The following GIGYF2 variants were observed in gnomAD, a reference collection of about 807,000 sequenced individuals.
The protein encoded by GIGYF2 is GRB10 interacting GYF protein 2, also known as GRB10-interacting GYF protein 2.
GIGYF2 carries 25 observed loss-of-function variants against 208.1 expected under a neutral mutation model. The ratio of observed to expected loss-of-function variants is 0.12; its 90% CI spans 0.09 to 0.17. The LOEUF is 0.17. Among genes scored for constraint, GIGYF2 ranks in the 10% least tolerant of loss-of-function variants. The pLI is 1.00. For synonymous variants in GIGYF2, 534 were observed against 543.8 expected, an observed-to-expected ratio of 0.98 and a Z score of 0.25; for missense variants, 1,302 against 1,579.4, an observed-to-expected ratio of 0.82 and a Z score of 2.98.
At chr2:232,779,624 C>T (rs1022034060) in intron 8 of GIGYF2, among the ~76,000 whole-genome samples, 1 of 152,182 alleles carries the variant, frequency 6.6e-6, no homozygotes, top group Non-Finnish European at 1.5e-5. Flanking sequence ...TTCAGGCAGC[C>T]TCTGGGTATG....
chr2:232,721,262 A>G (rs898430926), intron 2 of GIGYF2, among the ~76,000 whole-genome samples: 10 of 152,330 alleles, frequency 6.6e-5, no homozygotes, highest in African/African-American at 2.2e-4. Flanking sequence ...ATGAAAGTCC[A>G]TCTGATCTTC....
At chr2:232,798,963 G>A (rs1361616222) in intron 14 of GIGYF2, among the ~76,000 whole-genome samples, 1 of 149,766 alleles carries the variant, frequency 6.7e-6, no homozygotes, top group South Asian at 2.1e-4. Context: ...AATTACCATT[G>A]CCAGGGACTG....
chr2:232,784,375 C>T (rs868476619), intron 8 of GIGYF2, among the ~76,000 whole-genome samples: 14 of 134,362 alleles, frequency 1.0e-4, no homozygotes, highest in African/African-American at 3.8e-4. Flanking sequence ...GCTACTTACA[C>T]GAAATAATTT....
intron 17 of GIGYF2, 59 bp from the exon 18 acceptor site, chr2:232,812,331 CT>C (rs76864273): frequency 0.24 from 149,921 of 619,836 alleles, 8 homozygotes; most frequent in South Asian, 0.31. Context: ...TCCTCTTCAT[CT>C]TTTTTTTTTT....
At chr2:232,795,619 G>A (rs1012807130) in intron 13 of GIGYF2, among the ~76,000 whole-genome samples, 3 of 152,166 alleles carry the variant, frequency 2.0e-5, no homozygotes, top group African/African-American at 7.2e-5. Flanking sequence ...CTCTTAGCCA[G>A]GCAAGGAGGT....
rs760666722 is a variant in GIGYF2 at position 232,747,748 on chromosome 2, A to G, written c.171+4A>G. 3.7e-6 allele frequency: 6 copies of G among 1,613,176 alleles called. No individual in the cohort carries two copies. The highest frequency in any genetic ancestry group is 2.2e-5 in the East Asian group (1 of 44,850). On this transcript the variant is annotated splice_donor_region_variant and intron_variant, in intron 4 of 28. Coordinates refer to ENST00000373563, the MANE Select transcript of GIGYF2 (RefSeq NM_001103146.3). The stretch of plus-strand genomic sequence containing the variant: ...ACTTTTCCTTAAAGACAACAAGGTA[A>G]GAAAGTAGGAAAAGAGTTCAAAATT...
intron 2 of GIGYF2, chr2:232,734,600 G>A (rs776549781): frequency 1.3e-5 from 2 of 152,658 alleles, no homozygotes; most frequent in Admixed American, 6.5e-5. Flanking sequence ...CCAAGAGTTC[G>A]AGACCAGCTT....
At chr2:232,738,980 GT>G (rs950479698) in intron 3 of GIGYF2, among the ~76,000 whole-genome samples, 21 of 152,084 alleles carry the variant, frequency 1.4e-4, no homozygotes, top group Non-Finnish European at 2.9e-4. Context: ...GTCTTTTAGA[GT>G]TTTTTTGTTG....
In GIGYF2 at chr2:232,726,696, C is replaced by T. The variant is rs114135553; in HGVS notation, c.-43-8459C>T. On this transcript the variant is annotated intron_variant, in intron 2 of 28. Coordinates refer to ENST00000373563, the MANE Select transcript of GIGYF2 (RefSeq NM_001103146.3). ...AGGTTAAAATTTATTTTAAAATATA[C>T]GTGACAAGATTTCGAAAGTACAAAA... Among the ~76,000 whole-genome samples the T allele has an allele frequency of 9.8e-3, 1,489 of 152,132 alleles. 27 individuals carry two copies. The highest frequency in any genetic ancestry group is 0.033 in the African/African-American group (1,384 of 41,492).
intron 2 of GIGYF2, among the ~76,000 whole-genome samples, chr2:232,710,924 C>T (rs1447401344): frequency 6.6e-6 from 1 of 151,842 alleles, no homozygotes; most frequent in Non-Finnish European, 1.5e-5. Flanking sequence ...TGGTCTCGAA[C>T]TCCTGACCTC....
intron 8 of GIGYF2, among the ~76,000 whole-genome samples, chr2:232,772,825 C>T (rs1278470714): frequency 6.6e-6 from 1 of 152,184 alleles, no homozygotes; most frequent in African/African-American, 2.4e-5. Flanking sequence ...GAGAAGGGCA[C>T]TACAGACTTG....
chr2:232,840,329 G>A lies in GIGYF2; in HGVS notation c.2889+358G>A, dbSNP rs149028536. On this transcript the variant is annotated intron_variant, in intron 23 of 28. Transcript: ENST00000373563. The stretch of plus-strand genomic sequence containing the variant: ...AAAGCAGAATATGTTTTTCTCTAAA[G>A]ACACTGGGTTCCCTGACTAGTCTAG... Among the ~76,000 whole-genome samples the A allele has an allele frequency of 6.2e-3, 940 of 152,298 alleles. 7 individuals are homozygous for A. The highest frequency in any genetic ancestry group is 8.8e-3 in the Non-Finnish European group (602 of 68,028).
intron 15 of GIGYF2, among the ~76,000 whole-genome samples, chr2:232,807,780 C>T (rs192389029): frequency 9.9e-5 from 15 of 152,162 alleles, no homozygotes; most frequent in African/African-American, 2.9e-4. Flanking sequence ...CCATGTTGCC[C>T]AGGTCAGTCT....
At chr2:232,760,916 A>C (rs1698721611) in intron 7 of GIGYF2, among the ~76,000 whole-genome samples, 1 of 151,792 alleles carries the variant, frequency 6.6e-6, no homozygotes, top group African/African-American at 2.4e-5. Context: ...GCTTTATATG[A>C]AGTCTGTCAA....
At chr2:232,844,304 TCTGA>T (rs750478637) in intron 24 of GIGYF2, 49 bp downstream of exon 24, 3 of 1,612,866 alleles carry the variant, frequency 1.9e-6, no homozygotes, top group East Asian at 2.2e-5. Flanking sequence ...TATTATCTTT[TCTGA>T]CTGTCTTCTT....
intron 7 of GIGYF2, 72 bp from the exon 8 acceptor site, chr2:232,761,324 A>T (rs1265208944): frequency 8.7e-6 from 8 of 918,732 alleles, no homozygotes; most frequent in Non-Finnish European, 1.5e-5. Context: ...GAAAAATGGG[A>T]AAGTGAGTGT....
At chr2:232,809,595 A>G in intron 15 of GIGYF2, 125 bp from the exon 16 acceptor site, 1 of 697,328 alleles carries the variant, frequency 1.4e-6, no homozygotes, top group Non-Finnish European at 2.7e-6. Flanking sequence ...GTGTTTGGGT[A>G]AAAGGGTAGA....
chr2:232,755,420 G>A (rs1161890966), intron 5 of GIGYF2, among the ~76,000 whole-genome samples: 4 of 152,134 alleles, frequency 2.6e-5, no homozygotes, highest in East Asian at 3.9e-4. Context: ...CACCTGCCTC[G>A]GCCTCCCAAA....
At chr2:232,766,279 A>G (rs917911615) in intron 8 of GIGYF2, among the ~76,000 whole-genome samples, 2 of 152,128 alleles carry the variant, frequency 1.3e-5, no homozygotes, top group Admixed American at 6.5e-5. Context: ...GGGAAGTCAT[A>G]TTTAGTTTTC....
Sources: gnomAD v4.1 joint callset for allele counts (sites outside exome capture counted in the v4.1 genomes callset) on GRCh38, gnomAD v4.1.1 for gene constraint, MANE v1.5 for transcripts, NCBI Gene and HGNC (gene_info 2026-07-23, HGNC 2026-07-21) for gene names.